Variants in RSPO2 observed in about 807,000 individuals in gnomAD.
RSPO2 encodes R-spondin 2, also known as R-spondin-2.
A neutral mutation model predicts 30.9 loss-of-function variants in RSPO2; 14 were observed. The observed-to-expected ratio is 0.45, with a 90% CI of 0.30 to 0.71. RSPO2 has a LOEUF of 0.71. Ranked by LOEUF, RSPO2 falls within the 30% of genes least tolerant of loss-of-function variation. RSPO2 has a pLI of 0.08. For synonymous variants in RSPO2, 107 were observed against 96.4 expected (o/e 1.11, Z -0.64); for missense variants, 264 against 301.9 (o/e 0.87, Z 0.93).
chr8:107,938,806 T>C (rs538484566), intron 5 of RSPO2, among the ~76,000 whole-genome samples: 2 of 152,276 alleles, frequency 1.3e-5, no homozygotes, highest in African/African-American at 4.8e-5. Flanking sequence ...TAAAGCATTT[T>C]GATGAACTGA....
chr8:108,035,804 C>T (rs1811579297), intron 2 of RSPO2, among the ~76,000 whole-genome samples: 1 of 152,138 alleles, frequency 6.6e-6, no homozygotes. Context: ...TCTGAGATTG[C>T]CCCAGAAGAG....
chr8:108,001,713 A>C (rs1175882888), intron 2 of RSPO2, among the ~76,000 whole-genome samples: 2 of 152,164 alleles, frequency 1.3e-5, no homozygotes, highest in East Asian at 3.9e-4. Flanking sequence ...TCACATCCTA[A>C]GTTCTAGAAA....
chr8:108,058,322 CA>C (rs1026272568), intron 2 of RSPO2, among the ~76,000 whole-genome samples: 13 of 152,226 alleles, frequency 8.5e-5, no homozygotes, highest in Non-Finnish European at 1.9e-4. Context: ...AGGAGAACTA[CA>C]AACCACTGCT....
intron 2 of RSPO2, among the ~76,000 whole-genome samples, chr8:108,057,940 C>G (rs1044383429): frequency 4.6e-5 from 7 of 152,136 alleles, no homozygotes; most frequent in Non-Finnish European, 1.0e-4. Flanking sequence ...ATTTGACTTC[C>G]TCTTTTCCTA....
intron 5 of RSPO2, among the ~76,000 whole-genome samples, chr8:107,930,372 G>A (rs1054353355): frequency 5.3e-5 from 8 of 152,120 alleles, no homozygotes; most frequent in Non-Finnish European, 1.0e-4. Context: ...AGGGAACTAG[G>A]TTTGCAATAA....
At position 108,013,571 on chromosome 8, in the gene RSPO2, G is replaced by A. The variant is rs7464432; in HGVS notation, c.95-24327C>T. ...ACACATCTACAACAATCTGATCTTT[G>A]ACAAACCTGACAAAAACAAGCAATG... is the stretch of plus-strand genomic sequence containing the variant. On this transcript the variant is annotated intron_variant, in intron 2 of 5. Coordinates refer to ENST00000276659, the MANE Select transcript of RSPO2 (RefSeq NM_178565.5). Among the ~76,000 whole-genome samples the A allele has an allele frequency of 8.6e-3, 1,310 of 152,252 alleles. 22 individuals are homozygous for A. Among genetic ancestry groups the A allele is most frequent in the African/African-American group, 0.03 (1,229 of 41,562 alleles).
At chr8:108,076,612 T>G (rs1250693250) in intron 2 of RSPO2, among the ~76,000 whole-genome samples, 1 of 151,886 alleles carries the variant, frequency 6.6e-6, no homozygotes, top group African/African-American at 2.4e-5. Flanking sequence ...CAGAACTCCA[T>G]GGATAAAAAA....
chr8:107,968,876 C>T lies in RSPO2; in HGVS notation c.284-8059G>A, dbSNP rs1412363671. On this transcript the variant is annotated intron_variant, in intron 3 of 5. Coordinates refer to ENST00000276659, the MANE Select transcript of RSPO2 (RefSeq NM_178565.5). ...TGTAGTTTTAATAAATAAATATATACATATGCACTACTCAAAGGGCATTAC... is the reference window on the plus strand; with the variant it reads ...TGTAGTTTTAATAAATAAATATATATATATGCACTACTCAAAGGGCATTAC... 5.9e-5 allele frequency among the ~76,000 whole-genome samples: 9 copies of T among 152,202 alleles called. No homozygotes were observed. The South Asian group carries it at 1.2e-3, about 21-fold the overall frequency.
intron 2 of RSPO2, among the ~76,000 whole-genome samples, chr8:108,015,914 C>G (rs2443785): frequency 0.21 from 31,954 of 151,988 alleles, 3,544 homozygotes; most frequent in Non-Finnish European, 0.25. Flanking sequence ...ACTATCGGCA[C>G]CTATGATAAC....
intron 5 of RSPO2, among the ~76,000 whole-genome samples, chr8:107,928,724 C>T (rs1381164871): frequency 1.3e-5 from 2 of 152,124 alleles, no homozygotes; most frequent in South Asian, 2.1e-4. Context: ...AGCTTCATAG[C>T]GGGTATCTTC....
chr8:107,977,629 T>TA (rs548577089), intron 3 of RSPO2, among the ~76,000 whole-genome samples: 169 of 152,154 alleles, frequency 1.1e-3, no homozygotes, highest in African/African-American at 4.0e-3. Context: ...GACACCTACG[T>TA]AAAAAAACTA....
At chr8:108,060,725 G>A (rs1250798282) in intron 2 of RSPO2, among the ~76,000 whole-genome samples, 2 of 151,430 alleles carry the variant, frequency 1.3e-5, no homozygotes, top group Admixed American at 6.6e-5. Context: ...TCCAAGACAC[G>A]TAATTGTCAG....
intron 5 of RSPO2, among the ~76,000 whole-genome samples, chr8:107,915,910 C>A (rs1811967995): frequency 1.3e-5 from 2 of 152,108 alleles, no homozygotes; most frequent in South Asian, 4.1e-4. Flanking sequence ...CTTTGGGGAT[C>A]TGGCTTTGCC....
chr8:107,923,981 C>G (rs1334137494), intron 5 of RSPO2, among the ~76,000 whole-genome samples: 4 of 151,896 alleles, frequency 2.6e-5, no homozygotes, highest in African/African-American at 7.3e-5. Context: ...GGAAAAATAA[C>G]TAATGGGTAC....
intron 2 of RSPO2, among the ~76,000 whole-genome samples, chr8:108,078,860 A>C (rs532764736): frequency 7.2e-5 from 11 of 152,314 alleles, no homozygotes; most frequent in Non-Finnish European, 1.6e-4. Flanking sequence ...TATATCAAGA[A>C]GTTTTCATAA....
chr8:107,994,055 T>C (rs754272952), intron 2 of RSPO2, among the ~76,000 whole-genome samples: 2 of 152,034 alleles, frequency 1.3e-5, no homozygotes, highest in Non-Finnish European at 2.9e-5. Context: ...ATGGGGTGAA[T>C]ATTGGAGAAA....
At chr8:108,054,772 G>A (rs1428161842) in intron 2 of RSPO2, among the ~76,000 whole-genome samples, 1 of 152,134 alleles carries the variant, frequency 6.6e-6, no homozygotes, top group African/African-American at 2.4e-5. Context: ...TGTGCCCTAA[G>A]GCCCCCTCTT....
At chr8:107,965,518 T>C (rs981387862) in intron 3 of RSPO2, among the ~76,000 whole-genome samples, 9 of 151,986 alleles carry the variant, frequency 5.9e-5, no homozygotes, top group Admixed American at 2.6e-4. Flanking sequence ...ATCCTGGAGG[T>C]GCTAAGCCAG....
intron 2 of RSPO2, among the ~76,000 whole-genome samples, chr8:108,054,295 A>G (rs1418173225): frequency 6.6e-6 from 1 of 152,142 alleles, no homozygotes; most frequent in Non-Finnish European, 1.5e-5. Flanking sequence ...GGAGATTTGC[A>G]GCAGGAAGAC....
Sources: allele counts gnomAD v4.1 joint callset (sites outside exome capture counted in the v4.1 genomes callset), GRCh38; gene constraint gnomAD v4.1.1; transcripts MANE v1.5; gene names NCBI Gene and HGNC (gene_info 2026-07-23, HGNC 2026-07-21).